LDLRAD4: variants seen among roughly 807,000 people sequenced by gnomAD.
The protein encoded by LDLRAD4 is low-density lipoprotein receptor class A domain-containing protein 4.
A neutral mutation model predicts 17.0 loss-of-function variants in LDLRAD4; 5 were observed. The ratio of observed to expected loss-of-function variants is 0.29; its 90% CI spans 0.15 to 0.62. The LOEUF is 0.62. Among genes scored for constraint, LDLRAD4 ranks in the 20% least tolerant of loss-of-function variants. LDLRAD4 has a pLI of 0.84. For synonymous variants in LDLRAD4, 168 were observed against 171.8 expected (o/e 0.98, Z 0.17); for missense variants, 340 against 424.7 (o/e 0.80, Z 1.75).
At chr18:13,552,327 C>T (rs540284191) in intron 3 of LDLRAD4, among the ~76,000 whole-genome samples, 2 of 152,348 alleles carry the variant, frequency 1.3e-5, no homozygotes, top group African/African-American at 4.8e-5. Flanking sequence ...CTGATGTCAT[C>T]GAATCCCAGG....
At chr18:13,643,599 G>A (rs1226126042) in intron 5 of LDLRAD4, among the ~76,000 whole-genome samples, 187 bp downstream of exon 6, 6 of 152,208 alleles carry the variant, frequency 3.9e-5, no homozygotes, top group African/African-American at 1.4e-4. Context: ...ATCTTCCAGG[G>A]ATTATTCCTG....
chr18:13,411,575 A>C (rs146013399), intron 2 of LDLRAD4, among the ~76,000 whole-genome samples: 726 of 152,198 alleles, frequency 4.8e-3, no homozygotes, highest in Non-Finnish European at 7.4e-3. Flanking sequence ...AATAAGTCTC[A>C]TGTGATCTGA....
At chr18:13,232,955 G>A (rs150985961) in intron 1 of LDLRAD4, among the ~76,000 whole-genome samples, 6 of 152,342 alleles carry the variant, frequency 3.9e-5, no homozygotes, top group Admixed American at 1.3e-4. Context: ...AGGAGCCAGC[G>A]TCCTCATGAC....
chr18:13,284,770 CCTGCTCGAGGCCACCCGGATGAG>C (rs2045515071), intron 1 of LDLRAD4, among the ~76,000 whole-genome samples: 1 of 152,216 alleles, frequency 6.6e-6, no homozygotes, highest in Admixed American at 6.5e-5. Flanking sequence ...CCTTCCTGCC[CCTGCTCGAGGCCACCCGGATGAG>C]CTGTGCTCGA....
At chr18:13,477,977 T>A (rs539442869) in intron 3 of LDLRAD4, among the ~76,000 whole-genome samples, 1 of 152,204 alleles carries the variant, frequency 6.6e-6, no homozygotes, top group African/African-American at 2.4e-5. Flanking sequence ...GCAGGTGCTT[T>A]TTACTCATCT....
Position 13,300,371 on chromosome 18 carries a change from G to T in LDLRAD4, c.-383+22183G>T, listed in dbSNP as rs1286565478. On this transcript the variant is annotated intron_variant, in intron 1 of 5. Transcript: ENST00000359446. This position sits in a 1 kb window ranked among gnomAD's most constrained non-coding sequence, Gnocchi z 4.2. ...GCAGTGGTGAGGGCTGGAGCCCTCT[G>T]CAGGGCCTGGGAACTAGAGGGCAGG... 6.6e-6 allele frequency among the ~76,000 whole-genome samples: 1 copy of T among 152,250 alleles called. No individual in the cohort carries two copies. The highest frequency in any genetic ancestry group is 1.5e-5 in the Non-Finnish European group (1 of 68,042).
At position 13,507,751 on chromosome 18, in the gene LDLRAD4, C is replaced by T. The variant is rs116567244; in HGVS notation, c.181+69367C>T. Among the ~76,000 whole-genome samples the T allele has an allele frequency of 4.7e-3, 712 of 152,300 alleles. 9 individuals are homozygous for T. Among genetic ancestry groups the T allele is most frequent in the African/African-American group, 0.016 (671 of 41,564 alleles). On this transcript the variant is annotated intron_variant, in intron 3 of 5. Coordinates refer to ENST00000359446, the Ensembl canonical transcript of LDLRAD4. ...GTTCTGACTGCTCCACTAGCTGTTC[C>T]GTCACTTCTCTTCCTTTCCTTGGGC...
chr18:13,489,157 C>CTTTCT (rs527486371), intron 3 of LDLRAD4: 14 of 136,978 alleles, frequency 1.0e-4, no homozygotes, highest in East Asian at 2.1e-4. Flanking sequence ...TTCTTTCTTT[C>CTTTCT]TTTTTTTTTT....
chr18:13,326,773 CT>C lies in LDLRAD4; in HGVS notation c.-383+48596del, dbSNP rs112335716. 2.6e-3 allele frequency among the ~76,000 whole-genome samples: 378 copies of C among 144,970 alleles called. 1 individual carries two copies. Among genetic ancestry groups the C allele is most frequent in the African/African-American group, 4.9e-3 (193 of 39,756 alleles). ...GCGTAAGGAATTTGGGGGTCCCGAGCTTTTTTTTTTTGTGAGATGGAGTCTC... is the reference window on the plus strand; with the variant it reads ...GCGTAAGGAATTTGGGGGTCCCGAGCTTTTTTTTTTGTGAGATGGAGTCTC... On this transcript the variant is annotated intron_variant, in intron 1 of 5. Coordinates refer to ENST00000359446, the Ensembl canonical transcript of LDLRAD4.
At chr18:13,589,022 A>G (rs1323101550) in intron 3 of LDLRAD4, among the ~76,000 whole-genome samples, 1 of 146,694 alleles carries the variant, frequency 6.8e-6, no homozygotes, top group Non-Finnish European at 1.5e-5. Context: ...TCCGCCTCCC[A>G]GGCTCAAATG....
At chr18:13,530,318 T>A (rs556430300) in intron 3 of LDLRAD4, among the ~76,000 whole-genome samples, 1 of 152,308 alleles carries the variant, frequency 6.6e-6, no homozygotes, top group East Asian at 1.9e-4. Context: ...AACATTGGAT[T>A]CTAAAAGATG....
chr18:13,498,319 C>T (rs868228518), intron 3 of LDLRAD4, among the ~76,000 whole-genome samples: 2,175 of 125,492 alleles, frequency 0.017, 190 homozygotes, highest in African/African-American at 0.064. Context: ...TGCCCACACA[C>T]GTCCTGCCGT....
chr18:13,317,106 A>G (rs1336211555), intron 1 of LDLRAD4, among the ~76,000 whole-genome samples: 1 of 152,170 alleles, frequency 6.6e-6, no homozygotes. Flanking sequence ...GCCATAAGGA[A>G]GCTGGTGCAC....
At chr18:13,305,971 T>C (rs915901394) in intron 1 of LDLRAD4, among the ~76,000 whole-genome samples, 2 of 152,112 alleles carry the variant, frequency 1.3e-5, no homozygotes, top group Non-Finnish European at 2.9e-5. Flanking sequence ...AGATGGAGAA[T>C]TCAGTGCCAG....
chr18:13,492,198 G>C (rs942506837), intron 3 of LDLRAD4, among the ~76,000 whole-genome samples: 2 of 152,188 alleles, frequency 1.3e-5, no homozygotes, highest in Admixed American at 6.5e-5. Flanking sequence ...GACACCATCA[G>C]GCCTGAGGGG....
At chr18:13,552,743 C>T (rs1200372961) in intron 3 of LDLRAD4, among the ~76,000 whole-genome samples, 2 of 152,164 alleles carry the variant, frequency 1.3e-5, no homozygotes, top group Admixed American at 1.3e-4. Flanking sequence ...AGTGATAGAA[C>T]CTAGAATCTG....
intron 1 of LDLRAD4, among the ~76,000 whole-genome samples, chr18:13,363,204 T>C (rs964938060): frequency 2.9e-4 from 44 of 151,930 alleles, no homozygotes; most frequent in African/African-American, 9.9e-4. Flanking sequence ...TGGTGGTGGG[T>C]GCCTGTAGTC....
chr18:13,355,489 G>C (rs1358389986), intron 1 of LDLRAD4, among the ~76,000 whole-genome samples: 2 of 152,182 alleles, frequency 1.3e-5, no homozygotes, highest in South Asian at 2.1e-4. Flanking sequence ...AAATATTTGG[G>C]TACATGCTGA....
At chr18:13,620,722 G>A (rs1312251090) in intron 3 of LDLRAD4, 3 of 233,660 alleles carry the variant, frequency 1.3e-5, no homozygotes, top group Non-Finnish European at 2.6e-5. Flanking sequence ...CCACAGCCTT[G>A]GAGGCAAGGG....
Sources: gnomAD v4.1 joint callset for allele counts (sites outside exome capture counted in the v4.1 genomes callset) on GRCh38, gnomAD v4.1.1 for gene constraint, Gnocchi (gnomAD v3.1) non-coding constraint, MANE v1.5 for transcripts, NCBI Gene and HGNC (gene_info 2026-07-23, HGNC 2026-07-21) for gene names.